PKM: variants seen among roughly 807,000 people sequenced by gnomAD.
PKM encodes pyruvate kinase M1/2, also known as pyruvate kinase PKM.
PKM carries 18 observed loss-of-function variants against 49.8 expected under a neutral mutation model. The observed-to-expected ratio is 0.36, with a 90% CI of 0.25 to 0.54. The LOEUF (loss-of-function observed/expected upper bound fraction) is 0.54. Among genes scored for constraint, PKM ranks in the 20% least tolerant of loss-of-function variants. PKM has a pLI of 0.89. For synonymous variants in PKM, 239 were observed against 261.8 expected, an observed-to-expected ratio of 0.91 and a Z score of 0.84; for missense variants, 508 against 713.8, an observed-to-expected ratio of 0.71 and a Z score of 3.28.
Position 72,199,762 on chromosome 15 carries a change from G to T in PKM, c.1490-6C>A. On this transcript the variant is annotated splice_region_variant and splice_polypyrimidine_tract_variant and intron_variant, in intron 10 of 10. Transcript: ENST00000335181. ...GAAGAAGCCTCGGGCCTTGCCTGGA[G>T]GAAGAGAAGGGAGGTTGGTGAGTAA... The T allele has an allele frequency of 1.9e-6, 3 of 1,601,668 alleles. No homozygotes were observed. The South Asian group carries it at 3.3e-5, about 18-fold the overall frequency.
At chr15:72,203,351 G>A in intron 8 of PKM, 1 of 657,472 alleles carries the variant, frequency 1.5e-6, no homozygotes. Flanking sequence ...GTAGGGTGAT[G>A]AAAGTCCAAC....
intron 1 of PKM, among the ~76,000 whole-genome samples, chr15:72,225,457 C>A (rs1397481247): frequency 6.6e-6 from 1 of 152,146 alleles, no homozygotes; most frequent in Admixed American, 6.5e-5. Context: ...GCTGGGATTA[C>A]AGGTGTGAGC....
At chr15:72,223,162 C>T (rs565142091) in intron 1 of PKM, among the ~76,000 whole-genome samples, 3 of 151,980 alleles carry the variant, frequency 2.0e-5, no homozygotes, top group South Asian at 4.2e-4. Context: ...ACTACAGGCA[C>T]GAACCACACC....
rs976799229 is a variant in PKM at position 72,202,104 on chromosome 15, A to G, written c.1307+350T>C. The G allele has an allele frequency of 8.9e-6, 3 of 337,564 alleles. No homozygotes were observed. The highest frequency in any genetic ancestry group is 1.7e-5 in the Non-Finnish European group (3 of 176,996). 20.9% of individuals were successfully genotyped at this position (337,564 alleles called of 1,614,324 possible). ...CCCAACTGAAATTTTTAAAGAGCAC[A>G]TAGTAACTGGAATAAGCAAAAGTGG... On this transcript the variant is annotated intron_variant, in intron 9 of 10. Coordinates refer to ENST00000335181, the MANE Select transcript of PKM (RefSeq NM_002654.6). The surrounding 1 kb of genome is among the most constrained non-coding windows in gnomAD (Gnocchi z 4.5).
chr15:72,202,014 CA>C lies in PKM; in HGVS notation c.1307+439del. ...TGGAACCCAATTTGTCTTTAGGGCT[CA>C]AAAACAGCAGGGACTAGTGTGCCAA... On this transcript the variant is annotated intron_variant, in intron 9 of 10. Coordinates refer to ENST00000335181, the MANE Select transcript of PKM (RefSeq NM_002654.6). The surrounding 1 kb of genome is among the most constrained non-coding windows in gnomAD (Gnocchi z 4.5). The C allele has an allele frequency of 4.2e-6, 1 of 238,734 alleles. No individual in the cohort carries two copies. The allele number at this position is 238,734 out of a possible 1,614,324, so 14.8% of individuals were successfully genotyped here. A position where few individuals can be genotyped will look rare whatever the true frequency, so the allele number is the denominator to read the frequency against.
intron 1 of PKM, among the ~76,000 whole-genome samples, chr15:72,228,346 C>T (rs1035828429): frequency 6.6e-6 from 1 of 150,430 alleles, no homozygotes; most frequent in Admixed American, 6.6e-5. Flanking sequence ...ACCAGGTGAC[C>T]CGGACCAATC....
intron 2 of PKM, 104 bp downstream of exon 2, chr15:72,218,840 C>T: frequency 8.6e-7 from 1 of 1,157,304 alleles, no homozygotes; most frequent in Non-Finnish European, 1.3e-6. Flanking sequence ...GTGTAGTATC[C>T]CATGTAGCAC....
At position 72,200,500 on chromosome 15, in the gene PKM, A is replaced by G. The variant is rs1184267969; in HGVS notation, c.1463T>C (p.Leu488Pro). 1.2e-6 allele frequency: 2 copies of G among 1,613,564 alleles called. No individual in the cohort carries two copies. The highest frequency in any genetic ancestry group is 1.3e-5 in the African/African-American group (1 of 74,902). Residue 488 changes from leucine to proline, a missense_variant, in exon 10 of 11, where the codon CTC becomes CCC. Physicochemically the swap from Leu to Pro is moderately conservative, Grantham distance 98. Coordinates refer to ENST00000335181, the MANE Select transcript of PKM (RefSeq NM_002654.6). This position sits in a 1 kb window ranked among gnomAD's most constrained non-coding sequence, Gnocchi z 4.6. ...AACATTCATGGCAAAGTTCACCCGG[A>G]GGTCCACGTCCTCAGCCCAGGCCTC... ...VQEAWAEDVD[L>P]RVNFAMNVGK...
rs8192416 is a variant in PKM, at chr15:72,207,293, G to A, written c.837-16C>T. ...TTCATCAAACCTGATGGACAAAGTT[G>A]GGGGGAGAGAGGTTATATAGAACAG... On this transcript the variant is annotated splice_polypyrimidine_tract_variant and intron_variant, in intron 6 of 10. Transcript: ENST00000335181. The A allele has an allele frequency of 2.3e-4, 375 of 1,613,148 alleles. 1 individual carries two copies. In the African/African-American group the frequency reaches 4.4e-3, roughly 19 times the overall value.
chr15:72,230,898 GC>G (rs2082845720), intron 1 of PKM: 2 of 1,283,538 alleles, frequency 1.6e-6, no homozygotes, highest in Non-Finnish European at 2.0e-6. Flanking sequence ...CGGCGGACCC[GC>G]CTGATCTGGA....
At chr15:72,206,221 G>C (rs1010131277) in intron 8 of PKM, 1 of 173,430 alleles carries the variant, frequency 5.8e-6, no homozygotes, top group African/African-American at 2.4e-5. Context: ...ACAGACTCCA[G>C]TGCAGGTCCA....
chr15:72,209,657 C>T lies in PKM; in HGVS notation c.565+16G>A, dbSNP rs569532205. On this transcript the variant is annotated intron_variant, in intron 5 of 10. Coordinates refer to ENST00000335181, the MANE Select transcript of PKM (RefSeq NM_002654.6). Reference sequence around the variant, plus strand: ...AAGACTGTTTTAGACAACTGGACTCCAGCTCCCATACGTACCTTTCTGCTT... The same window carrying T: ...AAGACTGTTTTAGACAACTGGACTCTAGCTCCCATACGTACCTTTCTGCTT... The T allele has an allele frequency of 1.8e-4, 293 of 1,609,886 alleles. 3 individuals carry two copies. In the South Asian group the frequency reaches 3.1e-3, roughly 17 times the overall value.
intron 5 of PKM, 122 bp from the exon 6 acceptor site, chr15:72,209,013 T>C (rs2140659454): frequency 1.8e-6 from 2 of 1,089,282 alleles, no homozygotes; most frequent in East Asian, 5.1e-5. Flanking sequence ...TGGAGCTGTT[T>C]TACCAGAGTT....
At position 72,225,921 on chromosome 15, in the gene PKM, G is replaced by A. The variant is rs2082655412; in HGVS notation, c.-14+5195C>T. 2.6e-5 allele frequency among the ~76,000 whole-genome samples: 4 copies of A among 152,184 alleles called. No homozygotes were observed. In the South Asian group the frequency reaches 8.3e-4, roughly 32 times the overall value. On this transcript the variant is annotated intron_variant, in intron 1 of 10. Coordinates refer to ENST00000335181, the MANE Select transcript of PKM (RefSeq NM_002654.6). The stretch of plus-strand genomic sequence containing the variant: ...TATTTTTACTAAATAAGGCTGAATT[G>A]CTCTCCAAAGTGGCTATATCAATGA...
chr15:72,207,403 A>C, intron 6 of PKM, 126 bp from the exon 7 acceptor site: 1 of 855,018 alleles, frequency 1.2e-6, no homozygotes, highest in Non-Finnish European at 2.0e-6. Context: ...CATCCATGAT[A>C]TCATCATGGG....
intron 4 of PKM, 71 bp downstream of exon 4, chr15:72,210,276 C>A (rs2082216039): frequency 2.0e-6 from 3 of 1,533,426 alleles, no homozygotes; most frequent in Non-Finnish European, 2.7e-6. Flanking sequence ...GGCAACCCAG[C>A]GCTTTGGAGG....
In PKM at chr15:72,219,127, T is replaced by G. The variant is rs2082456040; in HGVS notation, c.-13-17A>C. 1 of 1,607,444 alleles carries G rather than the reference T, an allele frequency of 6.2e-7. No homozygotes were observed. Among genetic ancestry groups the G allele is most frequent in the South Asian group, 1.1e-5 (1 of 90,858 alleles). On this transcript the variant is annotated splice_polypyrimidine_tract_variant and intron_variant, in intron 1 of 10. Coordinates refer to ENST00000335181, the MANE Select transcript of PKM (RefSeq NM_002654.6). ...GCTGAGGTCCTGGGTCGAGACAAAT[T>G]GAAAGAGAGTGGTAAGACTGAGAAG... is the stretch of plus-strand genomic sequence containing the variant.
chr15:72,203,694 C>G (rs1273018047), intron 8 of PKM: 1 of 170,134 alleles, frequency 5.9e-6, no homozygotes, highest in Non-Finnish European at 1.3e-5. Flanking sequence ...AATGGCCTGC[C>G]ATGGCAACAG....
chr15:72,217,628 TA>T (rs1272482441), intron 2 of PKM, 128 bp from the exon 3 acceptor site: 14 of 689,074 alleles, frequency 2.0e-5, no homozygotes, highest in African/African-American at 3.6e-5. Context: ...CAAAAGTCTT[TA>T]AAAAGTGCAT....
Sources: allele counts gnomAD v4.1 joint callset (sites outside exome capture counted in the v4.1 genomes callset), GRCh38; gene constraint gnomAD v4.1.1; non-coding constraint Gnocchi (gnomAD v3.1); transcripts MANE v1.5; gene names NCBI Gene and HGNC (gene_info 2026-07-23, HGNC 2026-07-21).